The following DHX8 variants were observed in gnomAD, a reference collection of about 807,000 sequenced individuals.
The protein encoded by DHX8 is ATP-dependent RNA helicase DHX8.
In DHX8, 67 loss-of-function variants were observed where a neutral mutation model predicts 140.7. The ratio of observed to expected loss-of-function variants is 0.48; its 90% CI spans 0.39 to 0.58. The LOEUF (loss-of-function observed/expected upper bound fraction) is 0.58, where lower values mean the gene tolerates loss of function less well. Ranked by LOEUF, DHX8 falls within the 20% of genes least tolerant of loss-of-function variation. The probability of loss-of-function intolerance (pLI) is 0.00; values close to 1 mark genes in which losing one functional copy is unlikely to be tolerated. For synonymous variants in DHX8, 533 were observed against 553.2 expected (o/e 0.96, Z 0.51); for missense variants, 887 against 1,550.7 (o/e 0.57, Z 7.19).
chr17:43,499,000 ACTT>A, intron 10 of DHX8, 41 bp downstream of exon 10: 1 of 1,484,446 alleles, frequency 6.7e-7, no homozygotes, highest in East Asian at 2.4e-5. Flanking sequence ...TGTCAAGTGG[ACTT>A]CTTTTTCTAA....
intron 11 of DHX8, among the ~76,000 whole-genome samples, chr17:43,503,112 C>G (rs560139688): frequency 1.3e-5 from 2 of 152,262 alleles, no homozygotes; most frequent in South Asian, 2.1e-4. Flanking sequence ...CCTGTAATCC[C>G]AGCACTTTGG....
At chr17:43,511,263 G>A (rs1969810470) in intron 16 of DHX8, among the ~76,000 whole-genome samples, 1 of 152,092 alleles carries the variant, frequency 6.6e-6, no homozygotes, top group Non-Finnish European at 1.5e-5. Context: ...CCAAGAGGCA[G>A]AGGTTTCAGT....
rs1017026410 is a variant in DHX8 at position 43,533,047 on chromosome 17, G to A, written c.351-3365G>A. On this transcript the variant is annotated intron_variant, in intron 2 of 3. Transcript: ENST00000589898. ...GTGGGCTCCGGAATGGGGGGTAGGG[G>A]GTTGGGGTGTCAGTATTTCTCCCTT... The A allele has an allele frequency of 9.4e-6, 14 of 1,495,274 alleles. No homozygotes were observed. The South Asian group carries it at 1.3e-4, about 14-fold the overall frequency. 92.6% of individuals were successfully genotyped at this position (1,495,274 alleles called of 1,614,324 possible). A position where few individuals can be genotyped will look rare whatever the true frequency, so the allele number is the denominator to read the frequency against.
In DHX8 at chr17:43,517,232, C is replaced by A; in HGVS notation, c.2709C>A (p.Tyr903Ter). Residue 903 changes from tyrosine (Y) to a stop codon, truncating the protein, a stop_gained, in exon 18 of 23, where the codon TAC (tyrosine) becomes TAA (stop). Coordinates refer to ENST00000262415, the MANE Select transcript of DHX8 (RefSeq NM_004941.3). LOFTEE classifies it high-confidence loss of function. ...RTGPGKCYRLYTERAYRDEML... is the reference protein window; with the variant it reads ...RTGPGKCYRL ...GCCCAGGGAAGTGTTACAGGTTGTA[C>A]ACAGAACGTGCCTACCGAGATGAAA... is the stretch of plus-strand genomic sequence containing the variant. The A allele has an allele frequency of 6.2e-7, 1 of 1,614,082 alleles. No individual in the cohort carries two copies. Among genetic ancestry groups the A allele is most frequent in the Non-Finnish European group, 8.5e-7 (1 of 1,180,018 alleles).
chr17:43,486,803 G>A (rs951858112), intron 1 of DHX8, among the ~76,000 whole-genome samples: 5 of 151,782 alleles, frequency 3.3e-5, no homozygotes, highest in Non-Finnish European at 7.4e-5. Context: ...ACTTGAACCT[G>A]GGATGGGGAG....
At chr17:43,541,415 A>G (rs910470205) in intron 3 of DHX8, among the ~76,000 whole-genome samples, 1 of 151,992 alleles carries the variant, frequency 6.6e-6, no homozygotes, top group Non-Finnish European at 1.5e-5. Context: ...CGGTACTAAG[A>G]TGGAGTTTAT....
At chr17:43,516,325 G>A (rs1395745804) in intron 17 of DHX8, among the ~76,000 whole-genome samples, 3 of 152,158 alleles carry the variant, frequency 2.0e-5, no homozygotes, top group Middle Eastern at 3.4e-3. Context: ...TCTAGTAGTT[G>A]ATATATAAAG....
downstream of DHX8, chr17:43,530,146 C>T: frequency 6.4e-7 from 1 of 1,564,068 alleles, no homozygotes; most frequent in Non-Finnish European, 8.7e-7. Flanking sequence ...GAGAAGCCCT[C>T]TGTGTGGAGG....
At chr17:43,498,181 G>C (rs1968975825) in intron 9 of DHX8, among the ~76,000 whole-genome samples, 2 of 148,006 alleles carry the variant, frequency 1.4e-5, no homozygotes, top group South Asian at 4.3e-4. Context: ...TTTCGTTCTT[G>C]TTGCCCAGGC....
At chr17:43,532,567 G>A (rs141611511) in intron 2 of DHX8, 25 of 1,023,942 alleles carry the variant, frequency 2.4e-5, no homozygotes, top group African/African-American at 3.2e-5. Context: ...GGGTGGGTGG[G>A]TTGGATGTAT....
intron 10 of DHX8, 53 bp downstream of exon 10, chr17:43,499,012 A>C (rs1021960347): frequency 1.2e-5 from 17 of 1,369,346 alleles, no homozygotes; most frequent in Non-Finnish European, 1.4e-5. Context: ...TTCTTTTTCT[A>C]AAGTAATGGG....
At chr17:43,540,498 C>T (rs1373694883) in intron 3 of DHX8, among the ~76,000 whole-genome samples, 1 of 152,136 alleles carries the variant, frequency 6.6e-6, no homozygotes, top group African/African-American at 2.4e-5. Flanking sequence ...TCCCAGTCCC[C>T]TCCTCCGGAG....
chr17:43,543,278 T>TCC (rs1567716552), intron 3 of DHX8, among the ~76,000 whole-genome samples: 36 of 132,942 alleles, frequency 2.7e-4, no homozygotes, highest in Middle Eastern at 3.7e-3. Context: ...ACACACACAC[T>TCC]CTCTCTCTCT....
chr17:43,486,183 C>G (rs915464932), intron 1 of DHX8, among the ~76,000 whole-genome samples: 6 of 142,954 alleles, frequency 4.2e-5, no homozygotes, highest in Admixed American at 2.1e-4. Context: ...AAGAGCAAGA[C>G]TTTATTTCAA....
At chr17:43,492,542 T>C in intron 5 of DHX8, 139 bp from the exon 6 acceptor site, 1 of 639,858 alleles carries the variant, frequency 1.6e-6, no homozygotes, top group Non-Finnish European at 2.8e-6. Context: ...TATAGGGATG[T>C]CGTAGTTATT....
rs1352474973 is a variant in DHX8 at position 43,493,505 on chromosome 17, T to C, written c.924T>C (p.Asn308=). 1.2e-6 allele frequency: 2 copies of C among 1,613,908 alleles called. No individual in the cohort carries two copies. Among genetic ancestry groups the C allele is most frequent in the African/African-American group, 1.3e-5 (1 of 74,868 alleles). Residue 308 remains asparagine, a synonymous_variant, in exon 7 of 23, where the codon AAT becomes AAC. Transcript: ENST00000262415. ...SELRREGRVA[N]VADVVSKGQR... ...TCCGGCGGGAGGGTCGTGTGGCCAATGTAGCTGATGTCGTGAGCAAAGGCC... is the reference window on the plus strand; with the variant it reads ...TCCGGCGGGAGGGTCGTGTGGCCAACGTAGCTGATGTCGTGAGCAAAGGCC...
chr17:43,511,456 A>ATGTTTTTTTTTTTTTT (rs1969821567), intron 16 of DHX8, among the ~76,000 whole-genome samples: 1 of 56,790 alleles, frequency 1.8e-5, no homozygotes, highest in Non-Finnish European at 2.9e-5. Flanking sequence ...TGATCCCAGC[A>ATGTTTTTTTTTTTTTT]TTTTTTTTTT....
At position 43,501,384 on chromosome 17, in the gene DHX8, G is replaced by A. The variant is rs1180674251; in HGVS notation, c.1546+1281G>A. Among the ~76,000 whole-genome samples, 5 of 152,288 alleles carry A rather than the reference G, an allele frequency of 3.3e-5. No homozygotes were observed. The East Asian group carries it at 9.6e-4, about 29-fold the overall frequency. On this transcript the variant is annotated intron_variant, in intron 11 of 22. Transcript: ENST00000262415. ...TAGAGAGAGCAGTGGGCAGTGGTAG[G>A]GGATGAGATAAGAACATCAGGCCAG... is the stretch of plus-strand genomic sequence containing the variant.
chr17:43,524,377 C>T lies in DHX8; in HGVS notation c.*530C>T. ...AAAGGTTAGGATATTGGCCTGGGCT[C>T]AGGGTGAGGGAGATTTAGTATCTGT... On this transcript the variant is annotated 3_prime_UTR_variant, in exon 23 of 23. Transcript: ENST00000262415. The T allele has an allele frequency of 4.0e-6, 4 of 995,278 alleles. No homozygotes were observed. The highest frequency in any genetic ancestry group is 4.8e-6 in the Non-Finnish European group (4 of 835,982). The allele number at this position is 995,278 out of a possible 1,614,324, so 61.7% of individuals were successfully genotyped here.
Sources: gnomAD v4.1 joint callset for allele counts (sites outside exome capture counted in the v4.1 genomes callset) on GRCh38, gnomAD v4.1.1 for gene constraint, MANE v1.5 for transcripts, NCBI Gene and HGNC (gene_info 2026-07-23, HGNC 2026-07-21) for gene names.